NUBPL: variants seen among roughly 807,000 people sequenced by gnomAD.
NUBPL encodes iron-sulfur cluster transfer protein NUBPL.
In NUBPL, 31 loss-of-function variants were observed where a neutral mutation model predicts 45.7. The ratio of observed to expected loss-of-function variants is 0.68; its 90% confidence interval spans 0.51 to 0.92. The LOEUF (loss-of-function observed/expected upper bound fraction) is 0.92. NUBPL is among the 40% of genes least tolerant of loss of function. The pLI is 0.00. For synonymous variants in NUBPL, 144 were observed against 140.9 expected (o/e 1.02, Z -0.15); for missense variants, 401 against 398.7 (o/e 1.01, Z -0.05).
intron 6 of NUBPL, among the ~76,000 whole-genome samples, chr14:31,758,505 G>A (rs1034817606): frequency 1.4e-4 from 22 of 152,024 alleles, no homozygotes; most frequent in African/African-American, 7.2e-5. Flanking sequence ...TGCATTTTCC[G>A]TAATTAATGT....
chr14:31,636,350 A>G (rs2035498849), intron 4 of NUBPL, among the ~76,000 whole-genome samples: 2 of 152,030 alleles, frequency 1.3e-5, no homozygotes, highest in Admixed American at 1.3e-4. Context: ...TGAGATAATC[A>G]TGTGGTTTTT....
At chr14:31,604,969 A>C (rs1294887425) in intron 4 of NUBPL, among the ~76,000 whole-genome samples, 3 of 152,244 alleles carry the variant, frequency 2.0e-5, no homozygotes, top group Non-Finnish European at 2.9e-5. Flanking sequence ...ATGCAAAAGC[A>C]TCAACAGGCT....
intron 8 of NUBPL, among the ~76,000 whole-genome samples, chr14:31,829,070 G>C (rs1239313905): frequency 6.6e-6 from 1 of 152,204 alleles, no homozygotes; most frequent in Non-Finnish European, 1.5e-5. Context: ...TCAGAAAGTT[G>C]ATATTAGAGT....
At chr14:31,717,841 A>T (rs2037723200) in intron 6 of NUBPL, among the ~76,000 whole-genome samples, 1 of 152,094 alleles carries the variant, frequency 6.6e-6, no homozygotes, top group Admixed American at 6.5e-5. Context: ...AAGTTCTGAC[A>T]TCTCTTCTCT....
At chr14:31,798,462 A>T (rs1260237643) in intron 7 of NUBPL, among the ~76,000 whole-genome samples, 1 of 151,688 alleles carries the variant, frequency 6.6e-6, no homozygotes, top group Non-Finnish European at 1.5e-5. Context: ...TAATGAGAAT[A>T]ATTAGTATTG....
chr14:31,576,437 T>C (rs370170564), intron 3 of NUBPL, among the ~76,000 whole-genome samples: 1 of 152,144 alleles, frequency 6.6e-6, no homozygotes, highest in Non-Finnish European at 1.5e-5. Context: ...AATTTTTTAT[T>C]TTTGGCAGAG....
chr14:31,852,791 A>G (rs2040557730), intron 10 of NUBPL, among the ~76,000 whole-genome samples: 1 of 152,206 alleles, frequency 6.6e-6, no homozygotes, highest in South Asian at 2.1e-4. Flanking sequence ...GCCTAGGATC[A>G]GAATCCTCCA....
intron 6 of NUBPL, among the ~76,000 whole-genome samples, chr14:31,780,238 A>ATT (rs34217015): frequency 4.5e-4 from 66 of 146,626 alleles, no homozygotes; most frequent in East Asian, 5.9e-4. Flanking sequence ...AATTTTTTGT[A>ATT]TTTTTTTTTT....
chr14:31,709,925 C>T (rs1402091028), intron 6 of NUBPL, among the ~76,000 whole-genome samples: 1 of 152,124 alleles, frequency 6.6e-6, no homozygotes, highest in Non-Finnish European at 1.5e-5. Flanking sequence ...GATAGGTCCT[C>T]CTGTGGGATG....
chr14:31,846,250 T>C, intron 8 of NUBPL: 1 of 493,394 alleles, frequency 2.0e-6, no homozygotes, highest in Non-Finnish European at 3.6e-6. Context: ...TGTTCATTCA[T>C]CTCTTTTTAG....
chr14:31,847,954 G>A (rs1191878420), intron 9 of NUBPL, among the ~76,000 whole-genome samples: 4 of 152,162 alleles, frequency 2.6e-5, no homozygotes, highest in African/African-American at 7.2e-5. Flanking sequence ...TAAAGTAAAT[G>A]TGTAATTATA....
At chr14:31,813,383 T>C (rs894730723) in intron 7 of NUBPL, among the ~76,000 whole-genome samples, 1 of 152,028 alleles carries the variant, frequency 6.6e-6, no homozygotes, top group African/African-American at 2.4e-5. Context: ...TATTTGTCAC[T>C]AAACAGCAGA....
intron 7 of NUBPL, among the ~76,000 whole-genome samples, chr14:31,815,812 G>A (rs373107749): frequency 4.6e-5 from 7 of 152,108 alleles, no homozygotes; most frequent in Admixed American, 2.0e-4. Context: ...TTTGTCATTC[G>A]TTCTGTTTAT....
intron 6 of NUBPL, among the ~76,000 whole-genome samples, chr14:31,700,411 G>A (rs888230168): frequency 4.6e-5 from 7 of 152,138 alleles, no homozygotes; most frequent in African/African-American, 9.7e-5. Context: ...GCTTGCTCTC[G>A]GTGCCTTCTC....
At chr14:31,705,744 C>T (rs988804728) in intron 6 of NUBPL, among the ~76,000 whole-genome samples, 6 of 152,194 alleles carry the variant, frequency 3.9e-5, no homozygotes, top group Admixed American at 3.3e-4. Context: ...TTCTCCAGGT[C>T]CCCACCTGAC....
At chr14:31,809,800 G>A (rs1290372513) in intron 7 of NUBPL, among the ~76,000 whole-genome samples, 1 of 152,124 alleles carries the variant, frequency 6.6e-6, no homozygotes, top group African/African-American at 2.4e-5. Flanking sequence ...GTGTCCCAGA[G>A]ATTCTGGTAC....
intron 4 of NUBPL, among the ~76,000 whole-genome samples, chr14:31,603,394 G>T (rs1012761276): frequency 6.6e-6 from 1 of 151,790 alleles, no homozygotes; most frequent in African/African-American, 2.4e-5. Context: ...TGGGAAATTG[G>T]TTTATTGATT....
chr14:31,811,997 T>G (rs2039815310), intron 7 of NUBPL, among the ~76,000 whole-genome samples: 1 of 152,178 alleles, frequency 6.6e-6, no homozygotes, highest in South Asian at 2.1e-4. Flanking sequence ...TGCTCCCTGA[T>G]TCTTCCTCTG....
intron 6 of NUBPL, among the ~76,000 whole-genome samples, chr14:31,721,400 A>G (rs1043939683): frequency 1.3e-5 from 2 of 152,188 alleles, no homozygotes; most frequent in African/African-American, 2.4e-5. Context: ...TTTATATTCC[A>G]TGAATGGAGA....
Sources: allele counts gnomAD v4.1 joint callset (sites outside exome capture counted in the v4.1 genomes callset), GRCh38; gene constraint gnomAD v4.1.1; transcripts MANE v1.5; gene names NCBI Gene and HGNC (gene_info 2026-07-23, HGNC 2026-07-21).